DIAPH2: variants seen among roughly 807,000 people sequenced by gnomAD.
The protein encoded by DIAPH2 is diaphanous related formin 2, also known as protein diaphanous homolog 2.
DIAPH2 carries 35 observed loss-of-function variants against 92.7 expected under a neutral mutation model. The ratio of observed to expected loss-of-function variants is 0.38; its 90% CI spans 0.29 to 0.50. DIAPH2 has a LOEUF of 0.50. Ranked by LOEUF, DIAPH2 falls within the 20% of genes least tolerant of loss-of-function variation. DIAPH2 has a pLI of 0.94. For synonymous variants in DIAPH2, 301 were observed against 280.4 expected, an observed-to-expected ratio of 1.07 and a Z score of -0.73; for missense variants, 701 against 819.5, an observed-to-expected ratio of 0.86 and a Z score of 1.77.
chrX:97,070,193 C>A (rs1340663488), intron 17 of DIAPH2, among the ~76,000 whole-genome samples: 1 of 110,968 alleles, frequency 9.0e-6, no homozygotes, highest in Non-Finnish European at 1.9e-5. Context: ...AACCCATTTG[C>A]AATATGTTTT....
intron 4 of DIAPH2, among the ~76,000 whole-genome samples, chrX:96,803,124 C>T (rs2064596593): frequency 9.0e-6 from 1 of 110,975 alleles, no homozygotes; most frequent in Non-Finnish European, 1.9e-5. Flanking sequence ...TGTTAATCTC[C>T]TTTGGCAGCA....
intron 26 of DIAPH2, among the ~76,000 whole-genome samples, chrX:97,573,686 G>A (rs1468307504): frequency 9.5e-6 from 1 of 105,245 alleles, no homozygotes; most frequent in Non-Finnish European, 1.9e-5. Context: ...TTGAGGTGGA[G>A]TTTCACTCTT....
At chrX:97,143,953 A>G (rs1452954130) in intron 22 of DIAPH2, among the ~76,000 whole-genome samples, 1 of 112,181 alleles carries the variant, frequency 8.9e-6, no homozygotes, top group Non-Finnish European at 1.9e-5. Context: ...TTGGTCTCAT[A>G]GAGATAGAGC....
chrX:96,884,646 A>G (rs1051984229), intron 5 of DIAPH2: 1 of 1,210,703 alleles, frequency 8.3e-7, no homozygotes, highest in Non-Finnish European at 1.1e-6. Context: ...GTAGAGAGAA[A>G]GTCAAGCAGG....
intron 17 of DIAPH2, among the ~76,000 whole-genome samples, chrX:96,993,564 G>A (rs775652078): frequency 9.9e-5 from 11 of 111,267 alleles, no homozygotes; most frequent in Admixed American, 1.9e-4. Context: ...ACCAGATCTC[G>A]TGAGAACTCA....
At chrX:96,818,784 AT>A (rs2064757644) in intron 4 of DIAPH2, among the ~76,000 whole-genome samples, 1 of 112,616 alleles carries the variant, frequency 8.9e-6, no homozygotes, top group African/African-American at 3.2e-5. Flanking sequence ...CTTAAAAAAA[AT>A]CTGTTGCTGC....
intron 7 of DIAPH2, 123 bp downstream of exon 7, chrX:96,912,675 G>T: frequency 1.2e-6 from 1 of 825,076 alleles, no homozygotes; most frequent in Non-Finnish European, 1.6e-6. Context: ...CATGTATATA[G>T]GCGAACATGT....
chrX:97,022,119 C>T (rs1184940923), intron 17 of DIAPH2, among the ~76,000 whole-genome samples: 1 of 111,828 alleles, frequency 8.9e-6, no homozygotes, highest in African/African-American at 3.3e-5. Context: ...AATTTATAAT[C>T]CCAGCTCTGT....
chrX:97,581,048 A>T (rs1348837109), intron 26 of DIAPH2, among the ~76,000 whole-genome samples: 8 of 101,218 alleles, frequency 7.9e-5, no homozygotes, highest in African/African-American at 2.5e-4. Context: ...CGTCTATTTG[A>T]TTCTTCTCTC....
chrX:97,442,508 A>C (rs2070269934), intron 26 of DIAPH2, among the ~76,000 whole-genome samples: 1 of 112,754 alleles, frequency 8.9e-6, no homozygotes, highest in Admixed American at 9.4e-5. Context: ...AAGGAAAATA[A>C]ACATTTATTC....
At chrX:96,963,667 T>C (rs1451006954) in intron 16 of DIAPH2, among the ~76,000 whole-genome samples, 2 of 111,159 alleles carry the variant, frequency 1.8e-5, no homozygotes, top group South Asian at 7.7e-4. Flanking sequence ...ACAGCCAGGC[T>C]TGCTGCCTGG....
chrX:96,727,454 T>C (rs1276595184), intron 1 of DIAPH2, among the ~76,000 whole-genome samples: 1 of 111,704 alleles, frequency 9.0e-6, no homozygotes, highest in Non-Finnish European at 1.9e-5. Flanking sequence ...ACCCTTGTAC[T>C]TGAACCATTT....
intron 22 of DIAPH2, among the ~76,000 whole-genome samples, chrX:97,192,794 A>G (rs1025529374): frequency 9.1e-6 from 1 of 110,301 alleles, no homozygotes; most frequent in Non-Finnish European, 1.9e-5. Flanking sequence ...CTAACACCTG[A>G]GAACAACTGG....
intron 4 of DIAPH2, among the ~76,000 whole-genome samples, chrX:96,789,521 T>C (rs900744017): frequency 4.5e-5 from 5 of 112,056 alleles, no homozygotes; most frequent in Non-Finnish European, 9.4e-5. Flanking sequence ...ATGTCCACTT[T>C]TCTGCATAGC....
chrX:97,353,840 C>T (rs1055417893), intron 24 of DIAPH2, among the ~76,000 whole-genome samples: 2 of 110,947 alleles, frequency 1.8e-5, no homozygotes, highest in South Asian at 3.9e-4. Flanking sequence ...TGATTGAGAC[C>T]GGGTTGCTCT....
intron 22 of DIAPH2, among the ~76,000 whole-genome samples, chrX:97,183,403 C>G (rs1033653133): frequency 5.4e-5 from 6 of 111,401 alleles, no homozygotes; most frequent in Middle Eastern, 8.5e-3. Flanking sequence ...ATTTGTTGGC[C>G]TAGGTTATAT....
chrX:97,451,605 T>C (rs1278230054), intron 26 of DIAPH2, among the ~76,000 whole-genome samples: 1 of 111,967 alleles, frequency 8.9e-6, no homozygotes, highest in African/African-American at 3.2e-5. Context: ...TATTATATAA[T>C]TGATTAAAAT....
intron 1 of DIAPH2, among the ~76,000 whole-genome samples, chrX:96,732,423 A>G (rs774507727): frequency 8.9e-6 from 1 of 111,814 alleles, no homozygotes; most frequent in East Asian, 2.8e-4. Context: ...TTTTTTCTGA[A>G]CAGTTATAAC....
chrX:96,898,797 T>A (rs1434529736), intron 5 of DIAPH2, among the ~76,000 whole-genome samples: 2 of 107,060 alleles, frequency 1.9e-5, no homozygotes, highest in African/African-American at 6.7e-5. Flanking sequence ...ACGAAGTCCT[T>A]GCCCATGCCT....
Sources: gnomAD v4.1 joint callset for allele counts (sites outside exome capture counted in the v4.1 genomes callset) on GRCh38, gnomAD v4.1.1 for gene constraint, MANE v1.5 for transcripts, NCBI Gene and HGNC (gene_info 2026-07-23, HGNC 2026-07-21) for gene names.